Variants in NDST4 observed in about 807,000 individuals in gnomAD.
The protein encoded by NDST4 is N-deacetylase and N-sulfotransferase 4.
NDST4 carries 63 observed loss-of-function variants against 100.8 expected under a neutral mutation model. The ratio of observed to expected loss-of-function variants is 0.62; its 90% CI spans 0.51 to 0.77. The LOEUF (loss-of-function observed/expected upper bound fraction) is 0.77. Ranked by LOEUF, NDST4 falls within the 30% of genes least tolerant of loss-of-function variation. NDST4 has a pLI of 0.00. For missense variants in NDST4, 943 were observed against 1,018.4 expected, an observed-to-expected ratio of 0.93 and a Z score of 1.01; for synonymous variants, 377 against 361.8, an observed-to-expected ratio of 1.04 and a Z score of -0.48.
chr4:114,828,444 T>A (rs568850188), intron 13 of NDST4, among the ~76,000 whole-genome samples: 2 of 152,250 alleles, frequency 1.3e-5, no homozygotes, highest in East Asian at 3.9e-4. Flanking sequence ...CTGAAATATA[T>A]TTTTTTAGTC....
intron 6 of NDST4, among the ~76,000 whole-genome samples, chr4:114,919,480 A>G (rs1028463788): frequency 6.6e-6 from 1 of 152,230 alleles, no homozygotes; most frequent in African/African-American, 2.4e-5. Flanking sequence ...AACTTATTTC[A>G]AGAAATTAAT....
chr4:114,854,554 C>T (rs895798931), intron 7 of NDST4, among the ~76,000 whole-genome samples: 6 of 152,206 alleles, frequency 3.9e-5, no homozygotes, highest in Non-Finnish European at 7.4e-5. Flanking sequence ...CCGCAACCTT[C>T]GCCTCCCAAA....
At chr4:114,987,678 T>C (rs1185664107) in intron 2 of NDST4, among the ~76,000 whole-genome samples, 3 of 152,210 alleles carry the variant, frequency 2.0e-5, no homozygotes, top group Non-Finnish European at 2.9e-5. Flanking sequence ...AAACACACTG[T>C]ATCATACACC....
intron 7 of NDST4, among the ~76,000 whole-genome samples, chr4:114,867,593 C>T (rs1724053366): frequency 7.4e-6 from 1 of 134,804 alleles, no homozygotes; most frequent in African/African-American, 2.8e-5. Flanking sequence ...GTGTAAGAAT[C>T]TGACCTTCTA....
chr4:115,031,036 G>A (rs75374628), intron 2 of NDST4, among the ~76,000 whole-genome samples: 2,234 of 152,090 alleles, frequency 0.015, 64 homozygotes, highest in African/African-American at 0.051. Context: ...AATACTCTTT[G>A]ATAGCTCATA....
At chr4:115,033,157 ATTTTTT>A (rs1192796806) in intron 2 of NDST4, among the ~76,000 whole-genome samples, 2 of 59,948 alleles carry the variant, frequency 3.3e-5, no homozygotes, top group African/African-American at 5.8e-5. Context: ...ATATATATAT[ATTTTTT>A]TTTTTTTTGA....
intron 1 of NDST4, among the ~76,000 whole-genome samples, chr4:115,091,601 T>C (rs1729521627): frequency 6.6e-6 from 1 of 152,120 alleles, no homozygotes; most frequent in Non-Finnish European, 1.5e-5. Context: ...ACTTCTATTG[T>C]TCATAGTTAT....
Position 114,935,335 on chromosome 4 carries a change from C to A in NDST4, c.1408-1G>T, listed in dbSNP as rs887468881. The A allele has an allele frequency of 6.4e-7, 1 of 1,573,326 alleles. No individual in the cohort carries two copies. Among genetic ancestry groups the A allele is most frequent in the Non-Finnish European group, 8.6e-7 (1 of 1,161,084 alleles). ...ACCCACAAGTCTGTCGAGGGAGGAC[C>A]TGAGTAAAAAAGGGGAAAAACAGCA... On this transcript the variant is annotated splice_acceptor_variant, in intron 5 of 13. Transcript: ENST00000264363. LOFTEE classifies it high-confidence loss of function.
chr4:115,079,756 A>T (rs748616125), intron 1 of NDST4, among the ~76,000 whole-genome samples: 3 of 152,300 alleles, frequency 2.0e-5, no homozygotes, highest in South Asian at 4.1e-4. Flanking sequence ...ATGAATGCTT[A>T]TTAATGATGA....
At chr4:115,078,239 C>T (rs1338848238) in intron 1 of NDST4, among the ~76,000 whole-genome samples, 3 of 152,096 alleles carry the variant, frequency 2.0e-5, no homozygotes, top group East Asian at 3.9e-4. Context: ...TATAAGGAAG[C>T]TTCCAATCAT....
At chr4:115,100,422 G>C (rs1408245557) in intron 1 of NDST4, among the ~76,000 whole-genome samples, 1 of 151,930 alleles carries the variant, frequency 6.6e-6, no homozygotes, top group Non-Finnish European at 1.5e-5. Context: ...GAAAGTCTTT[G>C]TACTTTCTGT....
chr4:115,111,388 A>G (rs1729949056), intron 1 of NDST4, among the ~76,000 whole-genome samples: 1 of 151,800 alleles, frequency 6.6e-6, no homozygotes, highest in Non-Finnish European at 1.5e-5. Context: ...AAGCATGAGC[A>G]TATGTTTCTA....
intron 2 of NDST4, among the ~76,000 whole-genome samples, chr4:115,038,005 G>C (rs1728269586): frequency 6.6e-6 from 1 of 152,162 alleles, no homozygotes; most frequent in Admixed American, 6.6e-5. Context: ...AAATCCGAAA[G>C]AGAGGATGAA....
intron 6 of NDST4, among the ~76,000 whole-genome samples, chr4:114,929,105 C>CTATCTATCT (rs1725452816): frequency 8.2e-6 from 1 of 121,974 alleles, no homozygotes; most frequent in African/African-American, 3.2e-5. Flanking sequence ...TCCATCCATC[C>CTATCTATCT]ATCCATCCAT....
chr4:115,099,445 A>G lies in NDST4; in HGVS notation c.-247+13999T>C, dbSNP rs552831644. ...TAAAGAACTGTTTTCCAAAATATAC[A>G]AAGAACTCTTAAAATTCCATAGTAG... On this transcript the variant is annotated intron_variant, in intron 1 of 13. Transcript: ENST00000264363. Among the ~76,000 whole-genome samples the G allele has an allele frequency of 7.2e-5, 11 of 152,294 alleles. No homozygotes were observed. The South Asian group carries it at 2.1e-3, about 29-fold the overall frequency.
At chr4:115,096,033 C>T (rs947010004) in intron 1 of NDST4, among the ~76,000 whole-genome samples, 1 of 151,918 alleles carries the variant, frequency 6.6e-6, no homozygotes, top group Non-Finnish European at 1.5e-5. Context: ...ATCCCCCTTA[C>T]CCAGTTTAAA....
intron 9 of NDST4, among the ~76,000 whole-genome samples, 169 bp downstream of exon 9, chr4:114,848,046 C>T (rs1342807931): frequency 6.6e-6 from 1 of 152,164 alleles, no homozygotes; most frequent in African/African-American, 2.4e-5. Context: ...CTGTCCAAAT[C>T]ACATTATAGG....
rs1030683042 is a variant in NDST4 at position 114,979,571 on chromosome 4, A to T, written c.979-2297T>A. On this transcript the variant is annotated intron_variant, in intron 2 of 13. Coordinates refer to ENST00000264363, the MANE Select transcript of NDST4 (RefSeq NM_022569.3). ...AATGGTAATATGATAAACATAGTTC[A>T]TGGGCCATACCACAAGATGATATCA... Among the ~76,000 whole-genome samples, 3 of 151,904 alleles carry T rather than the reference A, an allele frequency of 2.0e-5. No individual in the cohort carries two copies. The East Asian group carries it at 5.8e-4, about 30-fold the overall frequency.
chr4:114,999,870 T>G lies in NDST4; in HGVS notation c.979-22596A>C, dbSNP rs535500547. Among the ~76,000 whole-genome samples, 5 of 152,114 alleles carry G rather than the reference T, an allele frequency of 3.3e-5. No homozygotes were observed. In the South Asian group the frequency reaches 1.0e-3, roughly 32 times the overall value. The stretch of plus-strand genomic sequence containing the variant: ...GTATTTAGTAAACTTGTAATTGATA[T>G]GTCTGGAAGGCCCTTGGGGAGGTGA... On this transcript the variant is annotated intron_variant, in intron 2 of 13. Transcript: ENST00000264363.
Sources: gnomAD v4.1 joint callset for allele counts (sites outside exome capture counted in the v4.1 genomes callset) on GRCh38, gnomAD v4.1.1 for gene constraint, MANE v1.5 for transcripts, NCBI Gene and HGNC (gene_info 2026-07-23, HGNC 2026-07-21) for gene names.